SLC5A7: variants seen among roughly 807,000 people sequenced by gnomAD.
The protein encoded by SLC5A7 is solute carrier family 5 member 7.
In SLC5A7, 19 loss-of-function variants were observed where a neutral mutation model predicts 55.4. That is an observed-to-expected ratio of 0.34 (90% CI 0.24 to 0.50). The LOEUF (loss-of-function observed/expected upper bound fraction) is 0.50, where lower values mean the gene tolerates loss of function less well. Among genes scored for constraint, SLC5A7 ranks in the 20% least tolerant of loss-of-function variants. The pLI is 0.98. For synonymous variants in SLC5A7, 265 were observed against 263.7 expected (o/e 1.00, Z -0.05); for missense variants, 506 against 705.3 (o/e 0.72, Z 3.20).
intron 4 of SLC5A7, 28 bp downstream of exon 4, chr2:107,993,155 C>T (rs761896940): frequency 6.2e-7 from 1 of 1,612,472 alleles, no homozygotes; most frequent in Non-Finnish European, 8.5e-7. Context: ...TGTCTAGCTG[C>T]ATCTTTGTAG....
intron 5 of SLC5A7, among the ~76,000 whole-genome samples, chr2:107,998,401 C>T (rs1178417671): frequency 6.6e-6 from 1 of 152,112 alleles, no homozygotes; most frequent in Non-Finnish European, 1.5e-5. Flanking sequence ...GAAATGATCC[C>T]ATTGGAAAAC....
At chr2:107,992,033 C>A in intron 2 of SLC5A7, 73 bp from the exon 3 acceptor site, 1 of 838,780 alleles carries the variant, frequency 1.2e-6, no homozygotes, top group Non-Finnish European at 2.0e-6. Context: ...TTCTAGTAGC[C>A]ACTGGTTTGG....
chr2:108,003,892 C>T (rs1678010118), intron 6 of SLC5A7, among the ~76,000 whole-genome samples: 1 of 152,144 alleles, frequency 6.6e-6, no homozygotes, highest in Admixed American at 6.5e-5. Flanking sequence ...GACCAGGGTA[C>T]CAGCATGATT....
intron 4 of SLC5A7, 67 bp from the exon 5 acceptor site, chr2:107,997,771 A>G: frequency 7.2e-7 from 1 of 1,392,414 alleles, no homozygotes. Flanking sequence ...AACTTTCATT[A>G]TGTCCTTATA....
chr2:108,010,358 T>A lies in SLC5A7; in HGVS notation c.1240T>A (p.Tyr414Asn). The A allele has an allele frequency of 6.2e-7, 1 of 1,614,046 alleles. No individual in the cohort carries two copies. The highest frequency in any genetic ancestry group is 1.1e-5 in the South Asian group (1 of 91,084). The stretch of plus-strand genomic sequence containing the variant: ...CTGGTACCTCAGTTCTGACCTTGTT[T>A]ACATCGTTATCTTCCCCCAGCTGCT... Reference protein sequence around the residue: ...GLWYLSSDLVYIVIFPQLLCV... With the variant: ...GLWYLSSDLVNIVIFPQLLCV... Residue 414 changes from tyrosine to asparagine, a missense_variant, in exon 9 of 9, where the codon TAC (tyrosine) becomes AAC (asparagine). Tyr to Asn is a moderately radical substitution (Grantham distance 143, BLOSUM62 -2). This residue lies in a region of SLC5A7 where 309 missense variants were observed against 478.6 expected (regional missense o/e 0.65). Coordinates refer to ENST00000264047, the MANE Select transcript of SLC5A7 (RefSeq NM_021815.5).
chr2:108,010,162 A>G (rs2104382459), intron 8 of SLC5A7, 70 bp from the exon 9 acceptor site: 13 of 1,526,190 alleles, frequency 8.5e-6, no homozygotes, highest in Non-Finnish European at 1.1e-5. Flanking sequence ...AGCAAAAAAT[A>G]TGTCTCATTC....
At chr2:107,991,040 C>T (rs751718863) in intron 2 of SLC5A7, among the ~76,000 whole-genome samples, 57 of 152,130 alleles carry the variant, frequency 3.7e-4, no homozygotes, top group Non-Finnish European at 7.1e-4. Flanking sequence ...GTGTAAACTG[C>T]AAAGATTTAG....
Position 108,011,681 on chromosome 2 carries a change from G to T in SLC5A7, c.*820G>T, listed in dbSNP as rs1460015520. On this transcript the variant is annotated 3_prime_UTR_variant, in exon 9 of 9. Transcript: ENST00000264047. ...CTTTATCTCAAGTATATAAAGTTTT[G>T]CCCCATGATAAAATAAGTAACATAT... 1 of 152,006 alleles carries T rather than the reference G, an allele frequency of 6.6e-6. No individual in the cohort carries two copies. The highest frequency in any genetic ancestry group is 1.5e-5 in the Non-Finnish European group (1 of 67,984). 9.4% of individuals were successfully genotyped at this position (152,006 alleles called of 1,614,324 possible). A position where few individuals can be genotyped will look rare whatever the true frequency, so the allele number is the denominator to read the frequency against.
At chr2:107,992,931 C>T (rs1329650318) in intron 3 of SLC5A7, 41 bp from the exon 4 acceptor site, 2 of 1,597,972 alleles carry the variant, frequency 1.3e-6, no homozygotes, top group African/African-American at 1.3e-5. Flanking sequence ...TATTATATTA[C>T]ATTCTTTTTA....
At chr2:108,008,442 T>C (rs1332858929) in intron 7 of SLC5A7, 23 bp from the exon 8 acceptor site, 3 of 1,593,950 alleles carry the variant, frequency 1.9e-6, no homozygotes, top group East Asian at 2.2e-5. Context: ...GTGGTTATAA[T>C]GGTTGTTGAT....
Position 108,013,270 on chromosome 2 carries a change from ATAT to A in SLC5A7, c.*2413_*2415del, listed in dbSNP as rs1678409712. The stretch of plus-strand genomic sequence containing the variant: ...CTTAAATAATTTAAGCCAATAAATA[ATAT>A]TATATTGTATTTAACCCATTATTCC... On this transcript the variant is annotated 3_prime_UTR_variant, in exon 9 of 9. Coordinates refer to ENST00000264047, the MANE Select transcript of SLC5A7 (RefSeq NM_021815.5). 6.6e-6 allele frequency: 1 copy of A among 152,148 alleles called. No homozygotes were observed. Among genetic ancestry groups the A allele is most frequent in the South Asian group, 2.1e-4 (1 of 4,824 alleles). The allele number at this position is 152,148 out of a possible 1,614,324, so 9.4% of individuals were successfully genotyped here. A position where few individuals can be genotyped will look rare whatever the true frequency, so the allele number is the denominator to read the frequency against.
At position 108,010,655 on chromosome 2, in the gene SLC5A7, G is replaced by A; in HGVS notation, c.1537G>A (p.Val513Ile). 1 of 1,613,938 alleles carries A rather than the reference G, an allele frequency of 6.2e-7. No individual in the cohort carries two copies. Among genetic ancestry groups the A allele is most frequent in the Non-Finnish European group, 8.5e-7 (1 of 1,179,920 alleles). ...TGGAACCTTGCCACCTAAATTAGAT[G>A]TATTTGATGCTGTTGTTGCAAGACA... ...ESGTLPPKLD[V>I]FDAVVARHSE... Residue 513 changes from valine to isoleucine, a missense_variant, in exon 9 of 9, where the codon GTA becomes ATA. Transcript: ENST00000264047.
At position 108,007,268 on chromosome 2, in the gene SLC5A7, C is replaced by T. The variant is rs190897590; in HGVS notation, c.895+1066C>T. ...ATGTTCCTACAGCAACTTTGACTTT[C>T]GATTAGTAGAGTCTTTTATTGGATT... On this transcript the variant is annotated intron_variant, in intron 7 of 8. Transcript: ENST00000264047. Among the ~76,000 whole-genome samples, 18 of 152,122 alleles carry T rather than the reference C, an allele frequency of 1.2e-4. No homozygotes were observed. In the East Asian group the frequency reaches 2.3e-3, roughly 20 times the overall value.
intron 6 of SLC5A7, among the ~76,000 whole-genome samples, chr2:108,005,844 C>A (rs1406336715): frequency 1.3e-5 from 2 of 152,124 alleles, no homozygotes; most frequent in East Asian, 3.9e-4. Flanking sequence ...CCTTGGGGAT[C>A]AAAATTTCAA....
intron 2 of SLC5A7, among the ~76,000 whole-genome samples, chr2:107,991,556 G>A (rs1444875944): frequency 2.6e-5 from 4 of 152,052 alleles, no homozygotes; most frequent in Non-Finnish European, 5.9e-5. Flanking sequence ...CTCTATTAGT[G>A]AAAAGTACAT....
chr2:107,992,305 C>A, intron 3 of SLC5A7, 86 bp downstream of exon 3: 1 of 735,542 alleles, frequency 1.4e-6, no homozygotes, highest in South Asian at 2.0e-5. Flanking sequence ...ACAAGTCAAA[C>A]ACTCTGAATA....
chr2:107,995,220 G>A (rs1558862298), intron 4 of SLC5A7, among the ~76,000 whole-genome samples: 1 of 152,058 alleles, frequency 6.6e-6, no homozygotes. Context: ...AATACTATAG[G>A]CAATTGTAAT....
At chr2:107,994,457 C>G (rs1021980949) in intron 4 of SLC5A7, among the ~76,000 whole-genome samples, 1 of 152,130 alleles carries the variant, frequency 6.6e-6, no homozygotes, top group Admixed American at 6.5e-5. Flanking sequence ...GTGGCGGGCG[C>G]CTGTAGTCCC....
chr2:108,005,336 G>T (rs1387770864), intron 6 of SLC5A7, among the ~76,000 whole-genome samples: 2 of 152,074 alleles, frequency 1.3e-5, no homozygotes, highest in Non-Finnish European at 2.9e-5. Flanking sequence ...ATATTTTTGG[G>T]TTGCATTGAT....
Sources: allele counts gnomAD v4.1 joint callset (sites outside exome capture counted in the v4.1 genomes callset), GRCh38; gene constraint gnomAD v4.1.1; regional missense constraint gnomAD v4.1.1; transcripts MANE v1.5; gene names NCBI Gene and HGNC (gene_info 2026-07-23, HGNC 2026-07-21).